The following POGZ variants were observed in gnomAD, a reference collection of about 807,000 sequenced individuals.
The protein encoded by POGZ is pogo transposable element derived with ZNF domain, also known as pogo transposable element with ZNF domain.
Under a neutral mutation model 134.6 loss-of-function variants are expected in POGZ, and 17 were observed. That is an observed-to-expected ratio of 0.13 (90% CI 0.09 to 0.19). The LOEUF (loss-of-function observed/expected upper bound fraction) is 0.19, where lower values mean the gene tolerates loss of function less well. Among genes scored for constraint, POGZ ranks in the 10% least tolerant of loss-of-function variants. The pLI is 1.00. For missense variants in POGZ, 1,306 were observed against 1,769.7 expected (o/e 0.74, Z 4.70); for synonymous variants, 693 against 657.1 (o/e 1.05, Z -0.84).
At chr1:151,419,509 A>G (rs1320244534) in intron 10 of POGZ, among the ~76,000 whole-genome samples, 2 of 150,520 alleles carry the variant, frequency 1.3e-5, no homozygotes, top group African/African-American at 4.9e-5. Flanking sequence ...AAAACAAAAA[A>G]CCCCCCAAAA....
chr1:151,444,942 G>C (rs139171622), intron 1 of POGZ, among the ~76,000 whole-genome samples: 1 of 151,990 alleles, frequency 6.6e-6, no homozygotes, highest in South Asian at 2.1e-4. Flanking sequence ...ATTGAGGATC[G>C]CCTGAGCCCA....
chr1:151,419,355 C>T (rs1186508960), intron 10 of POGZ, among the ~76,000 whole-genome samples: 1 of 151,140 alleles, frequency 6.6e-6, no homozygotes, highest in Non-Finnish European at 1.5e-5. Context: ...GAGCGATTGT[C>T]TCCCAAAAAA....
rs1026889956 is a variant in POGZ, at chr1:151,403,858, T to C, written c.*944A>G. 13 of 985,368 alleles carry C rather than the reference T, an allele frequency of 1.3e-5. No individual in the cohort carries two copies. In the South Asian group the frequency reaches 5.2e-4, roughly 39 times the overall value. 61.0% of individuals were successfully genotyped at this position (985,368 alleles called of 1,614,324 possible). ...GGATGAAGTTCAGTAAAGCAGGGAC[T>C]GCCCCTGGGGGCTTACAGGATGAAG... On this transcript the variant is annotated 3_prime_UTR_variant, in exon 19 of 19. Coordinates refer to ENST00000271715, the MANE Select transcript of POGZ (RefSeq NM_015100.4).
chr1:151,408,370 C>A, intron 14 of POGZ, 39 bp downstream of exon 14: 1 of 1,563,676 alleles, frequency 6.4e-7, no homozygotes, highest in South Asian at 1.2e-5. Flanking sequence ...CCTGGCCACC[C>A]AGTCCCCACC....
In POGZ at chr1:151,428,224, G is replaced by C; in HGVS notation, c.758C>G (p.Pro253Arg). 6.2e-7 allele frequency: 1 copy of C among 1,614,018 alleles called. No individual in the cohort carries two copies. Among genetic ancestry groups the C allele is most frequent in the Non-Finnish European group, 8.5e-7 (1 of 1,179,934 alleles). Residue 253 changes from proline (P) to arginine (R), a missense_variant, in exon 6 of 19, where the codon CCC becomes CGC. Transcript: ENST00000271715. ...GGCAGTGGGAGTGGTAGAAGTGCTG[G>C]GAGTGGACTTGGTCTGCTGGGACTG... ...QSQSQQTKST[P>R]STSTTPTATQ... is the part of the protein sequence containing the mutation.
chr1:151,455,040 G>C (rs1662602226), intron 1 of POGZ: 1 of 152,018 alleles, frequency 6.6e-6, no homozygotes, highest in African/African-American at 2.4e-5. Flanking sequence ...CCAGGAGGCG[G>C]AGGGTGCAGT....
Position 151,433,556 on chromosome 1 carries a change from C to T in POGZ, c.284-2715G>A, listed in dbSNP as rs963890127. Among the ~76,000 whole-genome samples the T allele has an allele frequency of 4.3e-5, 6 of 140,218 alleles. No homozygotes were observed. The South Asian group carries it at 6.7e-4, about 16-fold the overall frequency. 92.0% of individuals were successfully genotyped at this position (140,218 alleles called of 152,430 possible). On this transcript the variant is annotated intron_variant, in intron 3 of 18. Coordinates refer to ENST00000271715, the MANE Select transcript of POGZ (RefSeq NM_015100.4). ...CCAGGAGGCAGAGGTTGCATTGAGC[C>T]GAGATCGCGCCACTGCACTCCAGTC...
Position 151,404,681 on chromosome 1 carries a change from G to A in POGZ, c.*121C>T. 1 of 1,421,980 alleles carries A rather than the reference G, an allele frequency of 7.0e-7. No homozygotes were observed. The highest frequency in any genetic ancestry group is 9.2e-7 in the Non-Finnish European group (1 of 1,091,472). 88.1% of individuals were successfully genotyped at this position (1,421,980 alleles called of 1,614,324 possible). On this transcript the variant is annotated 3_prime_UTR_variant, in exon 19 of 19. Coordinates refer to ENST00000271715, the MANE Select transcript of POGZ (RefSeq NM_015100.4). ...TAAGTCAACTTCAGGGGGGAGTGGT[G>A]GTATAAAATTAAAAAATAGAAACCA...
At chr1:151,447,946 T>C (rs1429463986) in intron 1 of POGZ, among the ~76,000 whole-genome samples, 11 of 152,106 alleles carry the variant, frequency 7.2e-5, no homozygotes, top group Admixed American at 7.2e-4. Flanking sequence ...TTTCAGCTTA[T>C]CTCATATATT....
rs758519028 is a variant in POGZ at position 151,430,780 on chromosome 1, T to C, written c.345A>G (p.Pro115=). ...QPLILTQNPA[P]GLGTMVTQPV... Reference sequence around the variant, plus strand: ...GTTGAGTAACCATTGTGCCCAGACCTGGGGCTGGATTCTGGGTCAGGATGA... The same window carrying C: ...GTTGAGTAACCATTGTGCCCAGACCCGGGGCTGGATTCTGGGTCAGGATGA... The change falls in exon 4 of 19, where the codon CCA becomes CCG. Residue 115 remains proline, a synonymous_variant. Coordinates refer to ENST00000271715, the MANE Select transcript of POGZ (RefSeq NM_015100.4). 4.0e-5 allele frequency: 64 copies of C among 1,597,218 alleles called. No homozygotes were observed. The South Asian group carries it at 6.8e-4, about 17-fold the overall frequency.
intron 1 of POGZ, among the ~76,000 whole-genome samples, chr1:151,454,769 T>TAG (rs1348304462): frequency 2.0e-5 from 3 of 152,326 alleles, no homozygotes; most frequent in African/African-American, 7.2e-5. Flanking sequence ...CACCTAGCAA[T>TAG]AGGTTAGTGT....
rs954075273 is a variant in POGZ, at chr1:151,424,862, A to G, written c.1185+93T>C. 3.1e-5 allele frequency: 21 copies of G among 682,346 alleles called. No homozygotes were observed. The African/African-American group carries it at 3.6e-4, about 12-fold the overall frequency. The allele number at this position is 682,346 out of a possible 1,614,324, so 42.3% of individuals were successfully genotyped here. A position where few individuals can be genotyped will look rare whatever the true frequency, so the allele number is the denominator to read the frequency against. ...AAACAGTAACCCTTTAAAAAGCTTC[A>G]GTCATTTTAGAGCCCCTGCTTACAA... is the stretch of plus-strand genomic sequence containing the variant. On this transcript the variant is annotated intron_variant, in intron 8 of 18. Transcript: ENST00000271715.
Position 151,406,625 on chromosome 1 carries a change from G to T in POGZ, c.2552C>A (p.Thr851Asn). ...TTGTTACCTTGAGTGAGCTATCCAA[G>T]TGAGTCCTATGGAAAATGAAACAAC... is the stretch of plus-strand genomic sequence containing the variant. ...RSSSILPRGL[T>N]WIAHSRHGQT... The change falls in exon 18 of 19, where the codon ACT (threonine) becomes AAT (asparagine). Residue 851 changes from threonine to asparagine, a missense_variant. Physicochemically the swap from Thr to Asn is moderately conservative, Grantham distance 65. Around this residue, in one of 10 missense-constraint regions of POGZ, gnomAD observed 214 missense variants for 255.5 expected, o/e 0.84. Transcript: ENST00000271715. 1 of 1,610,088 alleles carries T rather than the reference G, an allele frequency of 6.2e-7. No homozygotes were observed.
Position 151,405,650 on chromosome 1 carries a change from A to T in POGZ, c.3385T>A (p.Ser1129Thr), listed in dbSNP as rs1450176485. ...LSMIVAIDEI[S>T]LFLDTEVLSS... ...AGCACCTCTGTATCCAGGAACAAAG[A>T]GATCTCATCAATAGCCACAATCATA... Residue 1129 changes from serine to threonine, a missense_variant, in exon 19 of 19, where the codon TCT becomes ACT. Physicochemically the swap from Ser to Thr is moderately conservative, Grantham distance 58 (BLOSUM62 1). This residue lies in a region of POGZ where 161 missense variants were observed against 185.4 expected (regional missense o/e 0.87). Transcript: ENST00000271715. The surrounding 1 kb of genome is among the most constrained non-coding windows in gnomAD (Gnocchi z 4.9). 3 of 1,614,228 alleles carry T rather than the reference A, an allele frequency of 1.9e-6. No homozygotes were observed. The highest frequency in any genetic ancestry group is 2.5e-6 in the Non-Finnish European group (3 of 1,180,048).
At position 151,408,539 on chromosome 1, in the gene POGZ, C is replaced by T; in HGVS notation, c.2104G>A (p.Val702Ile). ...ASRGQPRTVP[V>I]SSNDTPPSAL... ...CTGGGAGGTGTATCATTAGAGGATA[C>T]AGGAACAGTTCGTGGCTGCCCTCGG... The change falls in exon 14 of 19, where the codon GTA becomes ATA. Residue 702 changes from valine to isoleucine, a missense_variant. Coordinates refer to ENST00000271715, the MANE Select transcript of POGZ (RefSeq NM_015100.4). The T allele has an allele frequency of 6.2e-7, 1 of 1,607,786 alleles. No individual in the cohort carries two copies. The highest frequency in any genetic ancestry group is 8.5e-7 in the Non-Finnish European group (1 of 1,178,414).
chr1:151,437,927 G>T (rs1431878085), intron 3 of POGZ, among the ~76,000 whole-genome samples: 1 of 152,038 alleles, frequency 6.6e-6, no homozygotes, highest in East Asian at 1.9e-4. Context: ...AGAGTTCCTA[G>T]GCTGGGCGCA....
At chr1:151,412,243 G>C in intron 11 of POGZ, 53 bp downstream of exon 11, 1 of 928,536 alleles carries the variant, frequency 1.1e-6, no homozygotes, top group Non-Finnish European at 1.7e-6. Context: ...TAAATTCTTT[G>C]TATTCTTCCT....
In POGZ at chr1:151,404,822, G is replaced by C; in HGVS notation, c.4213C>G (p.Leu1405Val). The C allele has an allele frequency of 6.2e-7, 1 of 1,609,108 alleles. No individual in the cohort carries two copies. Among genetic ancestry groups the C allele is most frequent in the Non-Finnish European group, 8.5e-7 (1 of 1,177,712 alleles). ...AACACTCAAATCTCCATCAGATCTA[G>C]GTCAGCTTCTTCAAAGCCATAGAAA... ...ESFYGFEEAD[L>V]DLMEI is the part of the protein sequence containing the mutation. Residue 1405 changes from leucine (L) to valine (V), a missense_variant, in exon 19 of 19, where the codon CTA becomes GTA. By Grantham distance (32) the Leu-to-Val change is conservative. Around this residue, in one of 10 missense-constraint regions of POGZ, gnomAD observed 107 missense variants for 97.9 expected, o/e 1.09. Transcript: ENST00000271715.
intron 7 of POGZ, chr1:151,426,772 T>C (rs1657859463): frequency 6.6e-6 from 1 of 152,226 alleles, no homozygotes; most frequent in African/African-American, 2.4e-5. Flanking sequence ...AAGCTTTTTG[T>C]CCTATAATTT....
Sources: allele counts gnomAD v4.1 joint callset (sites outside exome capture counted in the v4.1 genomes callset), GRCh38; gene constraint gnomAD v4.1.1; regional missense constraint gnomAD v4.1.1; non-coding constraint Gnocchi (gnomAD v3.1); transcripts MANE v1.5; gene names NCBI Gene and HGNC (gene_info 2026-07-23, HGNC 2026-07-21).